COL4A2: variants seen among roughly 807,000 people sequenced by gnomAD.
COL4A2 encodes the protein collagen type IV alpha 2 chain.
COL4A2 carries 99 observed loss-of-function variants against 200.2 expected under a neutral mutation model. The observed-to-expected ratio is 0.49, with a 90% CI of 0.42 to 0.58. The LOEUF is 0.58. Ranked by LOEUF, COL4A2 falls within the 20% of genes least tolerant of loss-of-function variation. The probability of loss-of-function intolerance (pLI) is 0.00; values close to 1 mark genes in which losing one functional copy is unlikely to be tolerated. For synonymous variants in COL4A2, 897 were observed against 900.6 expected, an observed-to-expected ratio of 1.00 and a Z score of 0.07; for missense variants, 1,950 against 2,314.1, an observed-to-expected ratio of 0.84 and a Z score of 3.23.
At chr13:110,344,941 G>A (rs1331092827) in intron 3 of COL4A2, among the ~76,000 whole-genome samples, 28 of 152,244 alleles carry the variant, frequency 1.8e-4, no homozygotes, top group Non-Finnish European at 7.4e-5. Context: ...TAGTTACAAA[G>A]TTGCATCGGT....
At chr13:110,443,762 C>T (rs868682471) in intron 16 of COL4A2, among the ~76,000 whole-genome samples, 5 of 152,146 alleles carry the variant, frequency 3.3e-5, no homozygotes. Context: ...TCAGGGAGCC[C>T]GGCGGAGCCT....
At chr13:110,410,721 A>G (rs191598969) in intron 4 of COL4A2, among the ~76,000 whole-genome samples, 2 of 152,110 alleles carry the variant, frequency 1.3e-5, no homozygotes, top group African/African-American at 2.4e-5. Context: ...TCTTTCTTCC[A>G]TCTGGTGGAA....
chr13:110,469,373 C>T (rs1399049829), intron 28 of COL4A2, 49 bp downstream of exon 28: 1 of 1,524,836 alleles, frequency 6.6e-7, no homozygotes, highest in Non-Finnish European at 8.9e-7. Context: ...CAGCGGGAAC[C>T]TGTGTGTGAT....
intron 3 of COL4A2, among the ~76,000 whole-genome samples, chr13:110,341,328 G>T (rs1025257073): frequency 1.3e-5 from 2 of 152,216 alleles, no homozygotes; most frequent in East Asian, 1.9e-4. Context: ...GCTGCTGGCC[G>T]TCCAGCCCCT....
chr13:110,445,060 A>G (rs923220239), intron 16 of COL4A2, among the ~76,000 whole-genome samples: 1 of 152,104 alleles, frequency 6.6e-6, no homozygotes, highest in Non-Finnish European at 1.5e-5. Context: ...TATGTTTCCC[A>G]AGCTGGTCTC....
chr13:110,475,979 G>C (rs1249050817), intron 29 of COL4A2, among the ~76,000 whole-genome samples: 1 of 152,238 alleles, frequency 6.6e-6, no homozygotes, highest in Non-Finnish European at 1.5e-5. Flanking sequence ...CGGAGGATCG[G>C]GCATTCGTGC....
chr13:110,405,610 C>G (rs1029627249), intron 4 of COL4A2, among the ~76,000 whole-genome samples: 4 of 152,252 alleles, frequency 2.6e-5, no homozygotes, highest in African/African-American at 4.8e-5. Flanking sequence ...GCCCAGTCAC[C>G]TGATCTCAGC....
intron 29 of COL4A2, 98 bp from the exon 30 acceptor site, chr13:110,477,905 A>C: frequency 8.3e-7 from 1 of 1,208,746 alleles, no homozygotes; most frequent in Non-Finnish European, 1.1e-6. Context: ...GAAAAGCATG[A>C]ATTGCTCTTT....
At chr13:110,349,512 C>G (rs1196010646) in intron 3 of COL4A2, among the ~76,000 whole-genome samples, 1 of 152,216 alleles carries the variant, frequency 6.6e-6, no homozygotes, top group African/African-American at 2.4e-5. Flanking sequence ...TGCTCCAACT[C>G]CACTGTATCC....
rs146808372 is a variant in COL4A2 at position 110,402,235 on chromosome 13, A to C, written c.181-22499A>C. ...CCAGGTATGATTGATCCTGAGGCAC[A>C]TTTCTCTCCCAGTATGAGCCTATGA... On this transcript the variant is annotated intron_variant, in intron 4 of 47. Transcript: ENST00000360467. 1.1e-3 allele frequency among the ~76,000 whole-genome samples: 172 copies of C among 152,354 alleles called. 1 individual carries two copies. Among genetic ancestry groups the C allele is most frequent in the Admixed American group, 8.6e-3 (131 of 15,306 alleles).
rs143043262 is a variant in COL4A2, at chr13:110,430,080, C to T, written c.549+124C>T. On this transcript the variant is annotated intron_variant, in intron 8 of 47. Transcript: ENST00000360467. ...TGTACTGAAGGCATGCCTAGAATGGCGGCATAATCTAAAAGTCATCTTACT... is the reference window on the plus strand; with the variant it reads ...TGTACTGAAGGCATGCCTAGAATGGTGGCATAATCTAAAAGTCATCTTACT... 1.3e-3 allele frequency: 1,214 copies of T among 971,016 alleles called. 15 individuals carry two copies. The African/African-American group carries it at 0.017, about 14-fold the overall frequency. 60.2% of individuals were successfully genotyped at this position (971,016 alleles called of 1,614,324 possible). A position where few individuals can be genotyped will look rare whatever the true frequency, so the allele number is the denominator to read the frequency against.
intron 3 of COL4A2, among the ~76,000 whole-genome samples, chr13:110,353,389 T>C (rs1197218852): frequency 1.3e-5 from 2 of 152,058 alleles, no homozygotes; most frequent in African/African-American, 4.8e-5. Flanking sequence ...AGCAGTAAAA[T>C]GAAGGGATAG....
Position 110,385,692 on chromosome 13 carries a change from A to G in COL4A2, c.180+28140A>G, listed in dbSNP as rs74864499. Among the ~76,000 whole-genome samples, 6 of 89,154 alleles carry G rather than the reference A, an allele frequency of 6.7e-5. 1 individual carries two copies. Among genetic ancestry groups the G allele is most frequent in the East Asian group, 6.6e-4 (2 of 3,032 alleles). 58.5% of individuals were successfully genotyped at this position (89,154 alleles called of 152,430 possible). On this transcript the variant is annotated intron_variant, in intron 4 of 47. Coordinates refer to ENST00000360467, the MANE Select transcript of COL4A2 (RefSeq NM_001846.4). Reference sequence around the variant, plus strand: ...TGCAGTGTGTGGATAGGCCGTGGTTACAGTGTGTGGATAGGCCGTGGTTAC... The same window carrying G: ...TGCAGTGTGTGGATAGGCCGTGGTTGCAGTGTGTGGATAGGCCGTGGTTAC...
At chr13:110,430,809 T>A in intron 10 of COL4A2, 1 of 845,510 alleles carries the variant, frequency 1.2e-6, no homozygotes, top group South Asian at 1.3e-5. Context: ...GGGCTTAAAA[T>A]TATGGTCACC....
rs138320335 is a variant in COL4A2, at chr13:110,310,425, C to A, written c.99+2302C>A. 1.5e-3 allele frequency among the ~76,000 whole-genome samples: 235 copies of A among 152,014 alleles called. 2 individuals are homozygous for A. The highest frequency in any genetic ancestry group is 5.6e-3 in the African/African-American group (230 of 41,422). On this transcript the variant is annotated intron_variant, in intron 3 of 47. Transcript: ENST00000360467. ...GTTGAGAGGCAGTTGAGATTACTTG[C>A]CAATTCACTTTATTTTCCTGGGCTT...
intron 4 of COL4A2, among the ~76,000 whole-genome samples, chr13:110,406,808 T>C (rs1034934629): frequency 1.3e-5 from 2 of 152,218 alleles, no homozygotes; most frequent in Non-Finnish European, 2.9e-5. Context: ...TGTGCGTGTG[T>C]GTATATGTAT....
chr13:110,376,130 C>T (rs9521726), intron 4 of COL4A2, among the ~76,000 whole-genome samples: 20 of 152,278 alleles, frequency 1.3e-4, no homozygotes, highest in South Asian at 4.1e-4. Flanking sequence ...TGGGGAGACA[C>T]GATAGCTTGC....
At chr13:110,500,979 C>T (rs1367976245) in intron 40 of COL4A2, among the ~76,000 whole-genome samples, 2 of 152,202 alleles carry the variant, frequency 1.3e-5, no homozygotes, top group African/African-American at 2.4e-5. Context: ...CAGGGCACTA[C>T]AGAGACCAAG....
chr13:110,471,100 A>G (rs532445527), intron 28 of COL4A2, among the ~76,000 whole-genome samples: 6 of 152,368 alleles, frequency 3.9e-5, no homozygotes, highest in African/African-American at 1.2e-4. Flanking sequence ...ATGATTTCAT[A>G]TATACTAAGT....
Sources: allele counts gnomAD v4.1 joint callset (sites outside exome capture counted in the v4.1 genomes callset), GRCh38; gene constraint gnomAD v4.1.1; transcripts MANE v1.5; gene names NCBI Gene and HGNC (gene_info 2026-07-23, HGNC 2026-07-21).